Variants in LAMA2 observed in about 807,000 individuals in gnomAD.
The protein encoded by LAMA2 is laminin subunit alpha 2.
Under a neutral mutation model 364.8 loss-of-function variants are expected in LAMA2, and 269 were observed. That is an observed-to-expected ratio of 0.74 (90% CI 0.67 to 0.82). The LOEUF is 0.82. Among genes scored for constraint, LAMA2 ranks in the 40% least tolerant of loss-of-function variants. LAMA2 has a pLI of 0.00. For synonymous variants in LAMA2, 1,379 were observed against 1,370.6 expected, an observed-to-expected ratio of 1.01 and a Z score of -0.14; for missense variants, 3,807 against 3,873.2, an observed-to-expected ratio of 0.98 and a Z score of 0.45.
In LAMA2 at chr6:129,491,967, C is replaced by A. The variant is rs141101234; in HGVS notation, c.7965C>A (p.Ile2655=). 1.6e-4 allele frequency: 251 copies of A among 1,613,774 alleles called. No individual in the cohort carries two copies. In the African/African-American group the frequency reaches 3.1e-3, roughly 20 times the overall value. The change falls in exon 57 of 65, where the codon ATC becomes ATA. Residue 2655 remains isoleucine, a synonymous_variant. Transcript: ENST00000421865. ...YMQNLTVEQP[I]EVKKLFVGGA... ...AAAACCTGACAGTTGAACAGCCTAT[C>A]GAAGTTAAAAAGCTTTTCGTTGGGG...
At chr6:129,284,499 G>A (rs912227977) in intron 18 of LAMA2, among the ~76,000 whole-genome samples, 5 of 152,086 alleles carry the variant, frequency 3.3e-5, no homozygotes, top group African/African-American at 7.2e-5. Flanking sequence ...TATTAGTACC[G>A]TGTAAAAGTG....
intron 41 of LAMA2, among the ~76,000 whole-genome samples, chr6:129,431,515 A>T (rs1259783400): frequency 6.6e-6 from 1 of 152,158 alleles, no homozygotes; most frequent in African/African-American, 2.4e-5. Context: ...TTTGTCTCAT[A>T]GCACTGTAGC....
intron 10 of LAMA2, among the ~76,000 whole-genome samples, chr6:129,187,831 A>C (rs1176294602): frequency 6.6e-6 from 1 of 151,798 alleles, no homozygotes; most frequent in Non-Finnish European, 1.5e-5. Flanking sequence ...TCAAATTTTG[A>C]AACATTTAAG....
chr6:129,312,974 T>A lies in LAMA2; in HGVS notation c.3288T>A (p.Gly1096=), dbSNP rs2114494184. 3 of 1,614,070 alleles carry A rather than the reference T, an allele frequency of 1.9e-6. No individual in the cohort carries two copies. The highest frequency in any genetic ancestry group is 4.5e-5 in the East Asian group (2 of 44,876). Residue 1096 remains glycine, a synonymous_variant, in exon 23 of 65, where the codon GGT becomes GGA. Coordinates refer to ENST00000421865, the MANE Select transcript of LAMA2 (RefSeq NM_000426.4). The stretch of plus-strand genomic sequence containing the variant: ...CAAAATGTACAGAGTGCAGTCGAGG[T>A]CACTGGAACTACCCTCGCTGCAATC... ...SGAKCTECSR[G]HWNYPRCNLC... is the part of the protein sequence containing the mutation.
intron 4 of LAMA2, among the ~76,000 whole-genome samples, chr6:129,136,292 G>A (rs1008711350): frequency 2.6e-5 from 4 of 152,068 alleles, no homozygotes; most frequent in Non-Finnish European, 5.9e-5. Flanking sequence ...AAAGCAGGAC[G>A]ACCACCAGAG....
chr6:129,098,929 G>A (rs1775344305), intron 4 of LAMA2, among the ~76,000 whole-genome samples: 1 of 152,188 alleles, frequency 6.6e-6, no homozygotes, highest in African/African-American at 2.4e-5. Context: ...GAACAGTAAT[G>A]TGCAGGAAGT....
Position 129,192,731 on chromosome 6 carries a change from G to GT in LAMA2, c.1661dup (p.Ala555GlyfsTer17). 1 of 1,614,188 alleles carries GT rather than the reference G, an allele frequency of 6.2e-7. No homozygotes were observed. Among genetic ancestry groups the GT allele is most frequent in the Non-Finnish European group, 8.5e-7 (1 of 1,180,026 alleles). ...GACTGACCTTCCTGGCCGCATTCGA[G>GT]TGGCTCCCCAGCAGGACGACTTGGA... On this transcript the variant is annotated frameshift_variant, in exon 12 of 65. Transcript: ENST00000421865. LOFTEE classifies it high-confidence loss of function.
At chr6:129,125,012 G>C (rs1347821984) in intron 4 of LAMA2, among the ~76,000 whole-genome samples, 1 of 152,202 alleles carries the variant, frequency 6.6e-6, no homozygotes, top group Non-Finnish European at 1.5e-5. Context: ...CATGAAAGTA[G>C]TGAGAAGTGG....
At chr6:128,939,337 C>CTT (rs773284154) in intron 1 of LAMA2, among the ~76,000 whole-genome samples, 5 of 143,342 alleles carry the variant, frequency 3.5e-5, no homozygotes, top group African/African-American at 1.3e-4. Flanking sequence ...CAAGAGTTTC[C>CTT]TTTTTTTTTT....
chr6:129,160,299 T>C (rs1167232070), intron 8 of LAMA2, among the ~76,000 whole-genome samples: 1 of 152,126 alleles, frequency 6.6e-6, no homozygotes, highest in Non-Finnish European at 1.5e-5. Context: ...TTAATATCTT[T>C]AGGGAGGGTC....
chr6:128,996,196 A>C (rs1047068502), intron 1 of LAMA2, among the ~76,000 whole-genome samples: 2 of 152,196 alleles, frequency 1.3e-5, no homozygotes, highest in African/African-American at 4.8e-5. Context: ...TGGAGGTGAC[A>C]TCTTGCCAGA....
chr6:129,207,131 G>A (rs1317368889), intron 12 of LAMA2, among the ~76,000 whole-genome samples: 1 of 152,154 alleles, frequency 6.6e-6, no homozygotes, highest in Non-Finnish European at 1.5e-5. Flanking sequence ...ACAGATGATT[G>A]TTTTACTCAG....
At chr6:129,268,510 T>A (rs948542278) in intron 16 of LAMA2, among the ~76,000 whole-genome samples, 1 of 152,064 alleles carries the variant, frequency 6.6e-6, no homozygotes, top group African/African-American at 2.4e-5. Flanking sequence ...ATGAATTCAT[T>A]AGGATAAAAT....
intron 1 of LAMA2, among the ~76,000 whole-genome samples, chr6:129,004,463 AATAAAATCAT>A (rs1784315736): frequency 6.6e-6 from 1 of 151,992 alleles, no homozygotes; most frequent in South Asian, 2.1e-4. Flanking sequence ...TTTTCCTTAA[AATAAAATCAT>A]ATATCACTAC....
At chr6:129,223,888 A>C (rs915024872) in intron 12 of LAMA2, among the ~76,000 whole-genome samples, 1 of 152,150 alleles carries the variant, frequency 6.6e-6, no homozygotes. Flanking sequence ...GAAGAAAGTC[A>C]CTGGTAGCTT....
At chr6:129,367,597 T>G (rs1284258393) in intron 33 of LAMA2, among the ~76,000 whole-genome samples, 3 of 152,208 alleles carry the variant, frequency 2.0e-5, no homozygotes, top group Non-Finnish European at 2.9e-5. Flanking sequence ...GAGGAAGGCA[T>G]CTAAGATTTA....
At chr6:129,161,532 A>G (rs1043509616) in intron 8 of LAMA2, among the ~76,000 whole-genome samples, 2 of 151,872 alleles carry the variant, frequency 1.3e-5, no homozygotes, top group Admixed American at 1.3e-4. Context: ...ATAATTTTCC[A>G]TTCCAACTTT....
chr6:129,086,483 T>A (rs2114849035), intron 3 of LAMA2, among the ~76,000 whole-genome samples: 1 of 152,302 alleles, frequency 6.6e-6, no homozygotes, highest in Admixed American at 6.5e-5. Context: ...CAAAAAGAAA[T>A]GCTCAGTTGT....
At chr6:129,329,885 T>C (rs980887237) in intron 29 of LAMA2, among the ~76,000 whole-genome samples, 1 of 152,286 alleles carries the variant, frequency 6.6e-6, no homozygotes, top group East Asian at 1.9e-4. Flanking sequence ...TTCATTAGCA[T>C]TTACAGCTGC....
Sources: allele counts gnomAD v4.1 joint callset (sites outside exome capture counted in the v4.1 genomes callset), GRCh38; gene constraint gnomAD v4.1.1; transcripts MANE v1.5; gene names NCBI Gene and HGNC (gene_info 2026-07-23, HGNC 2026-07-21).